SYT1: variants seen among roughly 807,000 people sequenced by gnomAD.
SYT1 encodes the protein synaptotagmin 1, also known as synaptotagmin-1.
In SYT1, 8 loss-of-function variants were observed where a neutral mutation model predicts 44.8. That is an observed-to-expected ratio of 0.18 (90% CI 0.10 to 0.32). The LOEUF is 0.32. Among genes scored for constraint, SYT1 ranks in the 10% least tolerant of loss-of-function variants. The pLI is 1.00. For missense variants in SYT1, 286 were observed against 509.3 expected, an observed-to-expected ratio of 0.56 and a Z score of 4.22; for synonymous variants, 154 against 188.8, an observed-to-expected ratio of 0.82 and a Z score of 1.51.
At chr12:79,399,244 C>A (rs1214900518) in intron 9 of SYT1, among the ~76,000 whole-genome samples, 1 of 149,408 alleles carries the variant, frequency 6.7e-6, no homozygotes, top group East Asian at 2.0e-4. Context: ...ATTTTTGATG[C>A]AGATTGTTAT....
At chr12:79,289,924 G>A (rs903076335) in intron 5 of SYT1, among the ~76,000 whole-genome samples, 2 of 144,432 alleles carry the variant, frequency 1.4e-5, no homozygotes, top group Non-Finnish European at 3.0e-5. Flanking sequence ...TTACTATCAC[G>A]TTACCTTTAG....
chr12:79,441,002 T>G (rs1339845285), intron 9 of SYT1, among the ~76,000 whole-genome samples: 1 of 152,128 alleles, frequency 6.6e-6, no homozygotes, highest in East Asian at 1.9e-4. Context: ...TCCTTGGCAA[T>G]CAAGACTGGA....
At chr12:79,140,074 C>T (rs928430337) in intron 3 of SYT1, among the ~76,000 whole-genome samples, 3 of 152,202 alleles carry the variant, frequency 2.0e-5, no homozygotes, top group Non-Finnish European at 4.4e-5. Flanking sequence ...CCTGGGCTCC[C>T]AGAGGGGCAC....
intron 3 of SYT1, among the ~76,000 whole-genome samples, chr12:79,076,039 T>G (rs1876625852): frequency 6.6e-6 from 1 of 152,018 alleles, no homozygotes; most frequent in Admixed American, 6.6e-5. Context: ...TGTCATAAAA[T>G]TACATTACAG....
intron 3 of SYT1, among the ~76,000 whole-genome samples, chr12:79,135,721 A>G (rs975677602): frequency 6.6e-6 from 1 of 152,178 alleles, no homozygotes; most frequent in African/African-American, 2.4e-5. Context: ...ACTCATTGGA[A>G]CATCAGCTTA....
chr12:78,875,054 A>C (rs1393203451), intron 1 of SYT1, among the ~76,000 whole-genome samples: 1 of 151,658 alleles, frequency 6.6e-6, no homozygotes, highest in African/African-American at 2.4e-5. Context: ...GTAAATGAGA[A>C]TTTCAAACTT....
At chr12:79,330,991 G>T (rs1424532334) in intron 8 of SYT1, among the ~76,000 whole-genome samples, 1 of 152,060 alleles carries the variant, frequency 6.6e-6, no homozygotes, top group Non-Finnish European at 1.5e-5. Flanking sequence ...TTCGTTTCCT[G>T]CAGTTCCTTA....
intron 3 of SYT1, among the ~76,000 whole-genome samples, chr12:79,176,304 A>AAT (rs1193726773): frequency 6.6e-6 from 1 of 151,366 alleles, no homozygotes; most frequent in African/African-American, 2.4e-5. Flanking sequence ...AAAAAAAAAA[A>AAT]TACCAAAGTG....
intron 1 of SYT1, among the ~76,000 whole-genome samples, chr12:78,915,419 A>G (rs548604661): frequency 6.6e-6 from 1 of 152,204 alleles, no homozygotes; most frequent in East Asian, 1.9e-4. Context: ...GGCCTCGCTG[A>G]TAGACTCGAA....
At chr12:79,054,530 A>G (rs1358917617) in intron 3 of SYT1, among the ~76,000 whole-genome samples, 1 of 151,960 alleles carries the variant, frequency 6.6e-6, no homozygotes, top group African/African-American at 2.4e-5. Context: ...TTCACCATAT[A>G]TACTTAGATT....
chr12:78,942,897 C>A (rs1040441676), intron 1 of SYT1, among the ~76,000 whole-genome samples: 1 of 151,894 alleles, frequency 6.6e-6, no homozygotes, highest in Non-Finnish European at 1.5e-5. Flanking sequence ...AGTCATGTCA[C>A]CCAAGTGAGA....
intron 4 of SYT1, among the ~76,000 whole-genome samples, chr12:79,281,068 C>G (rs1030337548): frequency 1.3e-5 from 2 of 151,208 alleles, no homozygotes; most frequent in African/African-American, 4.9e-5. Context: ...TAAATTAGTA[C>G]AACTTCTATG....
chr12:78,923,355 C>T (rs1877114952), intron 1 of SYT1, among the ~76,000 whole-genome samples: 1 of 151,850 alleles, frequency 6.6e-6, no homozygotes. Flanking sequence ...TCTTTATTGG[C>T]ATGTGTTACA....
intron 1 of SYT1, among the ~76,000 whole-genome samples, chr12:78,971,176 C>A (rs1048313127): frequency 1.3e-5 from 2 of 152,036 alleles, no homozygotes; most frequent in East Asian, 3.9e-4. Context: ...TTCAATAGAT[C>A]ATGTGAGTTA....
intron 3 of SYT1, among the ~76,000 whole-genome samples, chr12:79,082,876 T>C (rs1877128813): frequency 6.6e-6 from 1 of 152,176 alleles, no homozygotes; most frequent in Non-Finnish European, 1.5e-5. Flanking sequence ...AGAATGGTCC[T>C]TGCCAGGTGA....
At chr12:79,422,455 C>A (rs932384782) in intron 9 of SYT1, among the ~76,000 whole-genome samples, 2 of 151,260 alleles carry the variant, frequency 1.3e-5, no homozygotes, top group Non-Finnish European at 2.9e-5. Flanking sequence ...TTATCTGGAT[C>A]TTCTCTGTTC....
chr12:79,396,042 T>C (rs1036629481), intron 9 of SYT1, among the ~76,000 whole-genome samples: 1 of 152,182 alleles, frequency 6.6e-6, no homozygotes, highest in African/African-American at 2.4e-5. Flanking sequence ...TAATTTTTAA[T>C]TGCTTAATGC....
chr12:79,043,637 G>A (rs11112462), intron 2 of SYT1, among the ~76,000 whole-genome samples: 151,029 of 151,376 alleles, frequency 1, 75,343 homozygotes, highest in Middle Eastern at 1. Flanking sequence ...TTTAAAGTTA[G>A]TATTGTTATG....
At position 79,044,386 on chromosome 12, in the gene SYT1, A is replaced by G. The variant is rs910958000; in HGVS notation, c.-83-2911A>G. On this transcript the variant is annotated intron_variant, in intron 2 of 10. Coordinates refer to ENST00000261205, the MANE Select transcript of SYT1 (RefSeq NM_005639.3). Reference sequence around the variant, plus strand: ...CTTCATTTCATTCATTTCATCTTCTATTGCTGATACCCTTTCTTCCAGTTG... The same window carrying G: ...CTTCATTTCATTCATTTCATCTTCTGTTGCTGATACCCTTTCTTCCAGTTG... Among the ~76,000 whole-genome samples the G allele has an allele frequency of 2.8e-3, 428 of 151,826 alleles. 2 individuals carry two copies. The highest frequency in any genetic ancestry group is 9.9e-3 in the African/African-American group (409 of 41,338).
Sources: allele counts gnomAD v4.1 joint callset (sites outside exome capture counted in the v4.1 genomes callset), GRCh38; gene constraint gnomAD v4.1.1; transcripts MANE v1.5; gene names NCBI Gene and HGNC (gene_info 2026-07-23, HGNC 2026-07-21).